RNF17: variants seen among roughly 807,000 people sequenced by gnomAD.
The protein encoded by RNF17 is spermatogenesis associated 23.
RNF17 carries 31 observed loss-of-function variants against 200.5 expected under a neutral mutation model. The ratio of observed to expected loss-of-function variants is 0.15; its 90% confidence interval spans 0.12 to 0.21. RNF17 has a LOEUF of 0.21. Ranked by LOEUF, RNF17 falls within the 10% of genes least tolerant of loss-of-function variation. RNF17 has a pLI of 1.00. For missense variants in RNF17, 1,628 were observed against 1,905.1 expected (o/e 0.85, Z 2.71); for synonymous variants, 606 against 637.8 (o/e 0.95, Z 0.75).
At chr13:24,782,432 A>G (rs979170272) in intron 6 of RNF17, among the ~76,000 whole-genome samples, 1 of 151,988 alleles carries the variant, frequency 6.6e-6, no homozygotes, top group Non-Finnish European at 1.5e-5. Flanking sequence ...TCCTGGCCTC[A>G]AGAAATCATC....
At chr13:24,812,721 G>A (rs1309301358) in intron 15 of RNF17, among the ~76,000 whole-genome samples, 3 of 124,510 alleles carry the variant, frequency 2.4e-5, no homozygotes, top group East Asian at 4.6e-4. Context: ...TCGCTCTGTC[G>A]CCCAGGCTGG....
chr13:24,847,353 T>A (rs9511473), intron 22 of RNF17, among the ~76,000 whole-genome samples: 31,526 of 120,238 alleles, frequency 0.26, 3,516 homozygotes, highest in East Asian at 0.35. Flanking sequence ...TTATTTATTT[T>A]TTTTTTTTTT....
At chr13:24,779,787 G>A (rs2137546815) in intron 5 of RNF17, 40 bp downstream of exon 5, 2 of 1,436,520 alleles carry the variant, frequency 1.4e-6, no homozygotes, top group South Asian at 1.1e-5. Flanking sequence ...ATGAAGTGAA[G>A]CATGTCCTCT....
At chr13:24,783,366 A>T (rs116891214) in intron 6 of RNF17, among the ~76,000 whole-genome samples, 122 of 152,296 alleles carry the variant, frequency 8.0e-4, no homozygotes, top group South Asian at 2.7e-3. Flanking sequence ...ATTGTTTCTC[A>T]GGGTCTCTTA....
the RNF17 span, among the ~76,000 whole-genome samples, chr13:24,752,679 G>T: frequency 1.3e-5 from 2 of 152,262 alleles, no homozygotes; most frequent in African/African-American, 4.8e-5. Context: ...CCTGCACTGT[G>T]GATGGAAGCC....
intron 26 of RNF17, among the ~76,000 whole-genome samples, chr13:24,859,610 T>C (rs1410481330): frequency 6.6e-6 from 1 of 151,788 alleles, no homozygotes; most frequent in Non-Finnish European, 1.5e-5. Flanking sequence ...CTTTGAAATA[T>C]ATATATATAT....
At chr13:24,779,617 G>A (rs1217410870) in intron 4 of RNF17, 50 bp from the exon 5 acceptor site, 3 of 1,384,622 alleles carry the variant, frequency 2.2e-6, no homozygotes, top group Non-Finnish European at 2.0e-6. Flanking sequence ...ATATGTCTAG[G>A]CATCTGTTTT....
At chr13:24,830,685 T>C (rs1889288311) in intron 17 of RNF17, 86 bp downstream of exon 17, 3 of 944,278 alleles carry the variant, frequency 3.2e-6, no homozygotes, top group Admixed American at 2.2e-5. Context: ...CATAGAAATG[T>C]TAGTGTCCCT....
At chr13:24,871,168 CTT>C (rs1342768767) in intron 32 of RNF17, among the ~76,000 whole-genome samples, 4 of 152,184 alleles carry the variant, frequency 2.6e-5, no homozygotes, top group South Asian at 2.1e-4. Context: ...GATTTCTACT[CTT>C]TTATCTTTTC....
chr13:24,851,685 T>G, intron 24 of RNF17, 114 bp downstream of exon 24: 1 of 645,480 alleles, frequency 1.5e-6, no homozygotes, highest in Non-Finnish European at 2.6e-6. Flanking sequence ...CTCTTAAAGA[T>G]TTATAAGCTG....
chr13:24,849,659 T>G (rs984067618), intron 22 of RNF17, among the ~76,000 whole-genome samples: 19 of 152,248 alleles, frequency 1.2e-4, no homozygotes, highest in Non-Finnish European at 1.5e-5. Context: ...TTTTTCAAAC[T>G]ATGCATTACT....
intron 2 of RNF17, 113 bp downstream of exon 2, chr13:24,767,479 G>A: frequency 4.4e-6 from 3 of 683,342 alleles, no homozygotes; most frequent in Non-Finnish European, 7.5e-6. Context: ...GCCGGGCGTG[G>A]TGGCTGACGC....
upstream of RNF17, among the ~76,000 whole-genome samples, chr13:24,760,217 A>C (rs1878609240): frequency 1.3e-5 from 2 of 152,194 alleles, no homozygotes; most frequent in South Asian, 4.1e-4. Flanking sequence ...TGAGACTCTT[A>C]AAGAGTAAAA....
chr13:24,789,545 T>C lies in RNF17; in HGVS notation c.860+121T>C. On this transcript the variant is annotated intron_variant, in intron 8 of 35. Transcript: ENST00000255324. ...GGGTCACAAATGTTTACTAAGTTAG[T>C]AACCAAATTAAGATAAGTGTAATTT... The C allele has an allele frequency of 5.5e-6, 5 of 902,844 alleles. No individual in the cohort carries two copies. The South Asian group carries it at 7.9e-5, about 14-fold the overall frequency. The allele number at this position is 902,844 out of a possible 1,614,324, so 55.9% of individuals were successfully genotyped here. A position where few individuals can be genotyped will look rare whatever the true frequency, so the allele number is the denominator to read the frequency against.
rs1349277111 is a variant in RNF17 at position 24,853,878 on chromosome 13, A to G, written c.3344A>G (p.His1115Arg). ...ERRINNLDNS[H>R]SLSEKSLEVP... ...AGAATTAATAACTTAGATAACAGCC[A>G]TTCATTATCTGAGAAGTCTCTGGAA... Residue 1115 changes from histidine (H) to arginine (R), a missense_variant, in exon 25 of 36, where the codon CAT (histidine) becomes CGT (arginine). This residue lies in a region of RNF17 where 609 missense variants were observed against 681.9 expected (regional missense o/e 0.89). Transcript: ENST00000255324. 1.4e-5 allele frequency: 22 copies of G among 1,608,828 alleles called. No individual in the cohort carries two copies. The highest frequency in any genetic ancestry group is 1.8e-5 in the Non-Finnish European group (21 of 1,177,620).
intron 18 of RNF17, among the ~76,000 whole-genome samples, chr13:24,836,818 C>CAAAAA (rs56117531): frequency 6.6e-5 from 10 of 152,116 alleles, no homozygotes; most frequent in Non-Finnish European, 1.2e-4. Context: ...AAAGCAAAAA[C>CAAAAA]AAAACCAAAG....
intron 15 of RNF17, among the ~76,000 whole-genome samples, chr13:24,818,529 C>A (rs570028519): frequency 6.6e-6 from 1 of 152,168 alleles, no homozygotes; most frequent in South Asian, 2.1e-4. Flanking sequence ...TCCTTCAATT[C>A]TGTCAATGTT....
intron 15 of RNF17, among the ~76,000 whole-genome samples, chr13:24,806,735 T>A (rs1885899231): frequency 6.6e-6 from 1 of 151,364 alleles, no homozygotes; most frequent in African/African-American, 2.4e-5. Flanking sequence ...GCCATGCTGG[T>A]GCGCTGCACC....
At chr13:24,791,029 T>C (rs1246513467) in intron 9 of RNF17, among the ~76,000 whole-genome samples, 1 of 152,216 alleles carries the variant, frequency 6.6e-6, no homozygotes, top group African/African-American at 2.4e-5. Context: ...GTGGCATATT[T>C]CTATTATCAC....
Sources: gnomAD v4.1 joint callset for allele counts (sites outside exome capture counted in the v4.1 genomes callset) on GRCh38, gnomAD v4.1.1 for gene constraint, gnomAD v4.1.1 regional missense constraint, MANE v1.5 for transcripts, NCBI Gene and HGNC (gene_info 2026-07-23, HGNC 2026-07-21) for gene names.